The following MYLK4 variants were observed in gnomAD, a reference collection of about 807,000 sequenced individuals.
MYLK4 encodes myosin light chain kinase family member 4, also known as caMLCK like.
A neutral mutation model predicts 48.1 loss-of-function variants in MYLK4; 46 were observed. The observed-to-expected ratio is 0.96, with a 90% CI of 0.75 to 1.22. MYLK4 has a LOEUF of 1.22. MYLK4 is among the 50% of genes most tolerant of loss of function. MYLK4 has a pLI of 0.00. For synonymous variants in MYLK4, 170 were observed against 180.8 expected (o/e 0.94, Z 0.48); for missense variants, 451 against 486.1 (o/e 0.93, Z 0.68).
At chr6:2,678,449 GT>G (rs1761169338) in intron 9 of MYLK4, 77 bp from the exon 10 acceptor site, 2 of 1,497,242 alleles carry the variant, frequency 1.3e-6, no homozygotes. Flanking sequence ...TTTTCTGGTT[GT>G]GCCATTTAAA....
intron 2 of MYLK4, among the ~76,000 whole-genome samples, chr6:2,744,917 G>A (rs777746669): frequency 2.4e-4 from 37 of 152,342 alleles, no homozygotes; most frequent in Middle Eastern, 6.8e-3. Context: ...TTCCAGGCGC[G>A]GATGTGGAAC....
intron 2 of MYLK4, among the ~76,000 whole-genome samples, chr6:2,701,124 G>A (rs561160171): frequency 2.6e-5 from 4 of 152,026 alleles, no homozygotes; most frequent in African/African-American, 7.3e-5. Flanking sequence ...CTTTCATAAC[G>A]CAAGTCCAAA....
intron 2 of MYLK4, among the ~76,000 whole-genome samples, chr6:2,721,598 C>A (rs950959767): frequency 6.6e-6 from 1 of 152,206 alleles, no homozygotes; most frequent in African/African-American, 2.4e-5. Flanking sequence ...AGATCTACCC[C>A]TTCTTCCTGC....
intron 2 of MYLK4, among the ~76,000 whole-genome samples, chr6:2,709,140 AT>A (rs151090842): frequency 6.6e-5 from 10 of 152,012 alleles, no homozygotes; most frequent in African/African-American, 2.4e-4. Flanking sequence ...GTGAACTGAG[AT>A]TTTTTCCTCT....
intron 2 of MYLK4, among the ~76,000 whole-genome samples, chr6:2,699,576 T>A (rs1382155804): frequency 6.6e-6 from 1 of 152,002 alleles, no homozygotes; most frequent in Non-Finnish European, 1.5e-5. Context: ...GGATTACAGC[T>A]GTCAGCCACC....
In MYLK4 at chr6:2,732,505, C is replaced by T. The variant is rs186349406; in HGVS notation, c.159+16631G>A. Among the ~76,000 whole-genome samples, 6 of 152,198 alleles carry T rather than the reference C, an allele frequency of 3.9e-5. No homozygotes were observed. In the East Asian group the frequency reaches 1.2e-3, roughly 29 times the overall value. ...TTAGCCAGAGCAGGGTAGAACAAGTCCTTGTATTTCTGTTTACAGAAGCTT... is the reference window on the plus strand; with the variant it reads ...TTAGCCAGAGCAGGGTAGAACAAGTTCTTGTATTTCTGTTTACAGAAGCTT... On this transcript the variant is annotated intron_variant, in intron 2 of 12. Coordinates refer to ENST00000274643, the MANE Select transcript of MYLK4 (RefSeq NM_001012418.5).
At chr6:2,686,032 C>T (rs1230352446) in intron 4 of MYLK4, among the ~76,000 whole-genome samples, 1 of 146,626 alleles carries the variant, frequency 6.8e-6, no homozygotes, top group Non-Finnish European at 1.5e-5. Flanking sequence ...CGCGCCATTG[C>T]ACTCCAGCCT....
intron 2 of MYLK4, among the ~76,000 whole-genome samples, chr6:2,697,509 A>G (rs955251538): frequency 6.6e-6 from 1 of 152,246 alleles, no homozygotes; most frequent in African/African-American, 2.4e-5. Context: ...TGTGCCGGCT[A>G]CCTGGGCATG....
chr6:2,668,751 T>TTTTA (rs1473013382), intron 12 of MYLK4, among the ~76,000 whole-genome samples: 1 of 151,918 alleles, frequency 6.6e-6, no homozygotes, highest in African/African-American at 2.4e-5. Context: ...TTATGTTAAG[T>TTTTA]TTTATTTATT....
In MYLK4 at chr6:2,666,258, A is replaced by C. The variant is rs908377727; in HGVS notation, c.*1667T>G. 6.6e-6 allele frequency: 1 copy of C among 152,200 alleles called. No homozygotes were observed. The highest frequency in any genetic ancestry group is 1.5e-5 in the Non-Finnish European group (1 of 68,026). 9.4% of individuals were successfully genotyped at this position (152,200 alleles called of 1,614,324 possible). A position where few individuals can be genotyped will look rare whatever the true frequency, so the allele number is the denominator to read the frequency against. ...AATGGGGGAAAGCTGATGCAAAGTG[A>C]AACTGCCATCCCTCATGAGGCCACC... On this transcript the variant is annotated 3_prime_UTR_variant, in exon 13 of 13. Transcript: ENST00000274643.
chr6:2,669,904 C>T lies in MYLK4; in HGVS notation c.*25+1372G>A, dbSNP rs191914121. ...GGGCACATGTAAGCGTCCCTTCCTC[C>T]GAAGGCCAAGTGTTTTCCTAGCACT... On this transcript the variant is annotated intron_variant, in intron 12 of 12. Coordinates refer to ENST00000274643, the MANE Select transcript of MYLK4 (RefSeq NM_001012418.5). 5.0e-3 allele frequency among the ~76,000 whole-genome samples: 763 copies of T among 152,274 alleles called. 3 individuals are homozygous for T. Among genetic ancestry groups the T allele is most frequent in the Non-Finnish European group, 7.0e-3 (473 of 68,026 alleles).
chr6:2,749,179 T>A lies in MYLK4; in HGVS notation c.116A>T (p.Glu39Val). ...TGAATCCTGGTCCCCAGAATTTTTT[T>A]CCAGAAAACACTTCACTTTCTCCAC... ...EEVEKVKCFL[E>V]KNSGDQDSRS... The change falls in exon 2 of 13, where the codon GAA becomes GTA. Residue 39 changes from glutamate (E) to valine (V), a missense_variant. Physicochemically the swap from Glu to Val is moderately radical, Grantham distance 121. Transcript: ENST00000274643. 6.2e-7 allele frequency: 1 copy of A among 1,614,058 alleles called. No homozygotes were observed. The highest frequency in any genetic ancestry group is 8.5e-7 in the Non-Finnish European group (1 of 1,179,990).
At chr6:2,688,044 GT>G (rs948868075) in intron 4 of MYLK4, among the ~76,000 whole-genome samples, 18 of 150,588 alleles carry the variant, frequency 1.2e-4, no homozygotes, top group African/African-American at 3.9e-4. Context: ...TTTCCTTCTG[GT>G]TTTTTTTCTT....
intron 2 of MYLK4, among the ~76,000 whole-genome samples, chr6:2,693,457 A>G (rs1460138599): frequency 6.6e-6 from 1 of 152,250 alleles, no homozygotes; most frequent in Non-Finnish European, 1.5e-5. Context: ...TACAGTGCTT[A>G]GAACAGATGG....
intron 6 of MYLK4, among the ~76,000 whole-genome samples, chr6:2,683,871 C>T (rs527994476): frequency 1.7e-4 from 26 of 152,116 alleles, no homozygotes; most frequent in Non-Finnish European, 3.4e-4. Context: ...CTCTAAGTCT[C>T]CAGACTGAAT....
At chr6:2,721,271 T>C (rs963639767) in intron 2 of MYLK4, among the ~76,000 whole-genome samples, 10 of 152,192 alleles carry the variant, frequency 6.6e-5, no homozygotes, top group African/African-American at 2.4e-4. Context: ...GCACAATGAA[T>C]GAAACACTCA....
chr6:2,770,302 C>T, the MYLK4 span: 10 of 1,614,072 alleles, frequency 6.2e-6, no homozygotes, highest in Middle Eastern at 3.3e-4. Context: ...TGGGAATCCA[C>T]GTCCTAGACT....
chr6:2,752,346 T>C (rs1366150266), upstream of MYLK4, among the ~76,000 whole-genome samples: 1 of 152,174 alleles, frequency 6.6e-6, no homozygotes, highest in African/African-American at 2.4e-5. Flanking sequence ...TAATGAACCA[T>C]GGTGAACGTT....
intron 2 of MYLK4, among the ~76,000 whole-genome samples, chr6:2,703,646 A>T (rs958411328): frequency 2.9e-5 from 4 of 139,724 alleles, no homozygotes; most frequent in African/African-American, 1.1e-4. Context: ...CAATTCAGGA[A>T]GGTTTCCCTT....
Sources: gnomAD v4.1 joint callset for allele counts (sites outside exome capture counted in the v4.1 genomes callset) on GRCh38, gnomAD v4.1.1 for gene constraint, MANE v1.5 for transcripts, NCBI Gene and HGNC (gene_info 2026-07-23, HGNC 2026-07-21) for gene names.